ANKRD46: variants seen among roughly 807,000 people sequenced by gnomAD.
ANKRD46 encodes ankyrin repeat domain-containing protein 46.
Under a neutral mutation model 19.8 loss-of-function variants are expected in ANKRD46, and 13 were observed. That is an observed-to-expected ratio of 0.66 (90% CI 0.43 to 1.04). The LOEUF (loss-of-function observed/expected upper bound fraction) is 1.04. Ranked by LOEUF, ANKRD46 falls within the 50% of genes least tolerant of loss-of-function variation. The pLI is 0.00. For missense variants in ANKRD46, 185 were observed against 274.8 expected (o/e 0.67, Z 2.31); for synonymous variants, 91 against 106.9 (o/e 0.85, Z 0.92).
At chr8:100,548,719 T>C (rs913299804) in intron 1 of ANKRD46, among the ~76,000 whole-genome samples, 6 of 152,184 alleles carry the variant, frequency 3.9e-5, no homozygotes, top group African/African-American at 1.4e-4. Context: ...TATAAATGCT[T>C]AAGTAATGAC....
At chr8:100,528,111 GA>G in intron 3 of ANKRD46, 108 bp from the exon 4 acceptor site, 2 of 1,248,750 alleles carry the variant, frequency 1.6e-6, no homozygotes, top group South Asian at 4.2e-5. Context: ...AGATCTCAGT[GA>G]AGAAAGAATG....
In ANKRD46 at chr8:100,521,120, C is replaced by G; in HGVS notation, c.*1435G>C. 1.0e-6 allele frequency: 1 copy of G among 984,978 alleles called. No individual in the cohort carries two copies. Among genetic ancestry groups the G allele is most frequent in the Non-Finnish European group, 1.2e-6 (1 of 829,874 alleles). The allele number at this position is 984,978 out of a possible 1,614,324, so 61.0% of individuals were successfully genotyped here. ...AGCCAGTTACTCAGGAATTTTACAA[C>G]AGCTATTAAAGAGAGGATAAAGCCA... On this transcript the variant is annotated 3_prime_UTR_variant, in exon 5 of 5. Coordinates refer to ENST00000335659, the MANE Select transcript of ANKRD46 (RefSeq NM_001270377.2).
At position 100,521,566 on chromosome 8, in the gene ANKRD46, T is replaced by C. The variant is rs1334530574; in HGVS notation, c.*989A>G. The C allele has an allele frequency of 1.0e-6, 1 of 985,346 alleles. No individual in the cohort carries two copies. Among genetic ancestry groups the C allele is most frequent in the African/African-American group, 1.7e-5 (1 of 57,254 alleles). The allele number at this position is 985,346 out of a possible 1,614,324, so 61.0% of individuals were successfully genotyped here. On this transcript the variant is annotated 3_prime_UTR_variant, in exon 5 of 5. Coordinates refer to ENST00000335659, the MANE Select transcript of ANKRD46 (RefSeq NM_001270377.2). Reference sequence around the variant, plus strand: ...TGTTAACTCAGAAATGCTCCATCCATTCTTGCCATCAGAGAATTACAGATA... The same window carrying C: ...TGTTAACTCAGAAATGCTCCATCCACTCTTGCCATCAGAGAATTACAGATA...
chr8:100,551,279 G>A, intron 1 of ANKRD46: 2 of 497,696 alleles, frequency 4.0e-6, no homozygotes, highest in Non-Finnish European at 7.5e-6. Flanking sequence ...CATTGCTGAT[G>A]ATCTTGAGGC....
intron 4 of ANKRD46, among the ~76,000 whole-genome samples, chr8:100,526,755 GT>G (rs1044789395): frequency 2.6e-5 from 4 of 152,096 alleles, no homozygotes; most frequent in African/African-American, 9.7e-5. Context: ...GCAAAAATGG[GT>G]ACAAAGGAAT....
At chr8:100,526,728 C>A (rs1238833902) in intron 4 of ANKRD46, among the ~76,000 whole-genome samples, 1 of 152,100 alleles carries the variant, frequency 6.6e-6, no homozygotes, top group Admixed American at 6.5e-5. Context: ...CATCATCTGG[C>A]ACACGAGAGG....
rs1227531982 is a variant in ANKRD46, at chr8:100,543,183, C to T, written c.-130-9872G>A. ...CTTAAGTTTTAATAGCTACATAGCTCTTCCAGATTTGCTGCTTTCCAGGAA... is the reference window on the plus strand; with the variant it reads ...CTTAAGTTTTAATAGCTACATAGCTTTTCCAGATTTGCTGCTTTCCAGGAA... On this transcript the variant is annotated intron_variant, in intron 1 of 4. Transcript: ENST00000335659. This position sits in a 1 kb window ranked among gnomAD's most constrained non-coding sequence, Gnocchi z 4.2. Among the ~76,000 whole-genome samples the T allele has an allele frequency of 6.6e-6, 1 of 152,198 alleles. No homozygotes were observed. Among genetic ancestry groups the T allele is most frequent in the East Asian group, 1.9e-4 (1 of 5,204 alleles).
Position 100,529,906 on chromosome 8 carries a change from C to A in ANKRD46, c.-27-46G>T. The A allele has an allele frequency of 6.8e-7, 1 of 1,478,088 alleles. No individual in the cohort carries two copies. The highest frequency in any genetic ancestry group is 1.3e-5 in the South Asian group (1 of 76,772). 91.6% of individuals were successfully genotyped at this position (1,478,088 alleles called of 1,614,324 possible). On this transcript the variant is annotated intron_variant, in intron 2 of 4. Coordinates refer to ENST00000335659, the MANE Select transcript of ANKRD46 (RefSeq NM_001270377.2). This position sits in a 1 kb window ranked among gnomAD's most constrained non-coding sequence, Gnocchi z 5.8. ...GAGATTCCATGAAGACAAATGAAAT[C>A]AAGACAAAGGAGTCATTTAGAAAAG...
In ANKRD46 at chr8:100,522,287, C is replaced by T. The variant is rs1811739270; in HGVS notation, c.*268G>A. 6 of 1,251,056 alleles carry T rather than the reference C, an allele frequency of 4.8e-6. No homozygotes were observed. Among genetic ancestry groups the T allele is most frequent in the Non-Finnish European group, 6.0e-6 (6 of 992,272 alleles). 77.5% of individuals were successfully genotyped at this position (1,251,056 alleles called of 1,614,324 possible). A position where few individuals can be genotyped will look rare whatever the true frequency, so the allele number is the denominator to read the frequency against. ...TTATCTTCCATTCTCTAGTCACTTC[C>T]GTGTTTTTATCAAACAAGGCTACGT... On this transcript the variant is annotated 3_prime_UTR_variant, in exon 5 of 5. Transcript: ENST00000335659.
At chr8:100,513,174 A>G (rs1177898998) in intron 5 of ANKRD46, among the ~76,000 whole-genome samples, 1 of 152,242 alleles carries the variant, frequency 6.6e-6, no homozygotes, top group African/African-American at 2.4e-5. Flanking sequence ...CACATATAAC[A>G]TACATTGAGT....
At chr8:100,556,490 T>A (rs1295553440) in intron 1 of ANKRD46, 1 of 152,210 alleles carries the variant, frequency 6.6e-6, no homozygotes, top group East Asian at 1.9e-4. Flanking sequence ...AATCAGTAGC[T>A]TAAGCTGGAA....
chr8:100,520,741 T>TAAAAAAA (rs5893523), downstream of ANKRD46: 24 of 719,896 alleles, frequency 3.3e-5, no homozygotes, highest in Admixed American at 1.6e-4. Context: ...TATAATACAC[T>TAAAAAAA]AAAAAAAAAA....
rs1452307597 is a variant in ANKRD46, at chr8:100,550,559, T to C, written c.-131+9152A>G. ...TTTTTTTTGAGTACAGAGGACTTTATTGATGGTACACGACAAGATAGAGCT... is the reference window on the plus strand; with the variant it reads ...TTTTTTTTGAGTACAGAGGACTTTACTGATGGTACACGACAAGATAGAGCT... On this transcript the variant is annotated intron_variant, in intron 1 of 4. Transcript: ENST00000335659. The surrounding 1 kb of genome is among the most constrained non-coding windows in gnomAD (Gnocchi z 4.4). 1 of 155,480 alleles carries C rather than the reference T, an allele frequency of 6.4e-6. No individual in the cohort carries two copies. The highest frequency in any genetic ancestry group is 2.4e-5 in the African/African-American group (1 of 41,016). The allele number at this position is 155,480 out of a possible 1,614,324, so 9.6% of individuals were successfully genotyped here.
At chr8:100,530,761 G>C (rs1811944819) in intron 2 of ANKRD46, among the ~76,000 whole-genome samples, 2 of 152,198 alleles carry the variant, frequency 1.3e-5, no homozygotes, top group East Asian at 3.8e-4. Flanking sequence ...AATCAATTCA[G>C]ATTATGCTTT....
downstream of ANKRD46, among the ~76,000 whole-genome samples, chr8:100,515,873 TG>T (rs1312035034): frequency 5.3e-5 from 8 of 151,454 alleles, no homozygotes; most frequent in South Asian, 2.1e-4. Context: ...AACTTGTTTT[TG>T]TTTTTTTTTT....
chr8:100,529,167 C>T lies in ANKRD46; in HGVS notation c.311+356G>A, dbSNP rs1014301237. ...CTATCTAATCTGTAAAATGAAAACA[C>T]CTATTGTGAGAGCTCTTCATTCTGA... On this transcript the variant is annotated intron_variant, in intron 3 of 4. Coordinates refer to ENST00000335659, the MANE Select transcript of ANKRD46 (RefSeq NM_001270377.2). This position sits in a 1 kb window ranked among gnomAD's most constrained non-coding sequence, Gnocchi z 5.8. Among the ~76,000 whole-genome samples, 2 of 152,168 alleles carry T rather than the reference C, an allele frequency of 1.3e-5. No individual in the cohort carries two copies. Among genetic ancestry groups the T allele is most frequent in the African/African-American group, 2.4e-5 (1 of 41,444 alleles).
Position 100,524,752 on chromosome 8 carries a change from T to C in ANKRD46, c.471-1981A>G, listed in dbSNP as rs56837280. On this transcript the variant is annotated intron_variant, in intron 4 of 4. Coordinates refer to ENST00000335659, the MANE Select transcript of ANKRD46 (RefSeq NM_001270377.2). This position sits in a 1 kb window ranked among gnomAD's most constrained non-coding sequence, Gnocchi z 4.3. The stretch of plus-strand genomic sequence containing the variant: ...GCCCTTATACATGTTAGGTATAAAA[T>C]GAAAATTCCATGAGCATTCTCATTG... 0.097 allele frequency among the ~76,000 whole-genome samples: 14,690 copies of C among 152,188 alleles called. 1,277 individuals are homozygous for C. Among genetic ancestry groups the C allele is most frequent in the African/African-American group, 0.22 (9,095 of 41,472 alleles).
At chr8:100,555,401 A>G (rs548298605) in intron 1 of ANKRD46, among the ~76,000 whole-genome samples, 2 of 151,942 alleles carry the variant, frequency 1.3e-5, no homozygotes, top group Non-Finnish European at 1.5e-5. Flanking sequence ...AAAATCCAGA[A>G]AAATACTGTG....
Position 100,522,736 on chromosome 8 carries a change from A to C in ANKRD46, c.506T>G (p.Leu169Arg). The part of the protein sequence containing the change: ...MESHSLLNPN[L>R]QQGEGVLSSF... ...GGAGAGGACTCCTTCACCTTGCTGCAGGTTGGGATTGAGGAGTGAATGGCT... is the reference window on the plus strand; with the variant it reads ...GGAGAGGACTCCTTCACCTTGCTGCCGGTTGGGATTGAGGAGTGAATGGCT... The change falls in exon 5 of 5, where the codon CTG becomes CGG. Residue 169 changes from leucine to arginine, a missense_variant. Physicochemically the swap from Leu to Arg is moderately radical, Grantham distance 102 (BLOSUM62 -2). Coordinates refer to ENST00000335659, the MANE Select transcript of ANKRD46 (RefSeq NM_001270377.2). The C allele has an allele frequency of 6.2e-7, 1 of 1,613,980 alleles. No individual in the cohort carries two copies. The highest frequency in any genetic ancestry group is 8.5e-7 in the Non-Finnish European group (1 of 1,179,976).
Sources: gnomAD v4.1 joint callset for allele counts (sites outside exome capture counted in the v4.1 genomes callset) on GRCh38, gnomAD v4.1.1 for gene constraint, Gnocchi (gnomAD v3.1) non-coding constraint, MANE v1.5 for transcripts, NCBI Gene and HGNC (gene_info 2026-07-23, HGNC 2026-07-21) for gene names.